Variants in MCM9 observed in about 807,000 individuals in gnomAD.
MCM9 encodes the protein minichromosome maintenance 9 homologous recombination repair factor, also known as DNA helicase MCM9.
A neutral mutation model predicts 72.8 loss-of-function variants in MCM9; 55 were observed. The ratio of observed to expected loss-of-function variants is 0.76; its 90% CI spans 0.61 to 0.95. MCM9 has a LOEUF of 0.95. Ranked by LOEUF, MCM9 falls within the 40% of genes least tolerant of loss-of-function variation. The pLI is 0.00. For missense variants in MCM9, 1,279 were observed against 1,377.0 expected (o/e 0.93, Z 1.13); for synonymous variants, 480 against 503.4 (o/e 0.95, Z 0.62).
chr6:118,814,849 T>A lies in MCM9; in HGVS notation c.3407A>T (p.Asp1136Val). ...LGDEAFDCDWDEEMRKKS is the reference protein window; with the variant it reads ...LGDEAFDCDWVEEMRKKS ...CTATGACTTTTTTCTCATCTCTTCA[T>A]CCCAGTCACAATCAAATGCTTCATC... The change falls in exon 14 of 14, where the codon GAT becomes GTT. Residue 1136 changes from aspartate to valine, a missense_variant. By Grantham distance (152) the Asp-to-Val change is radical (BLOSUM62 -3). Coordinates refer to ENST00000619706, the MANE Select transcript of MCM9 (RefSeq NM_017696.3). 1 of 1,520,716 alleles carries A rather than the reference T, an allele frequency of 6.6e-7. No homozygotes were observed. Among genetic ancestry groups the A allele is most frequent in the East Asian group, 2.5e-5 (1 of 40,602 alleles). The allele number at this position is 1,520,716 out of a possible 1,614,324, so 94.2% of individuals were successfully genotyped here.
intron 8 of MCM9, among the ~76,000 whole-genome samples, chr6:118,890,639 TATGTA>T (rs1325994748): frequency 5.1e-4 from 77 of 152,324 alleles, no homozygotes; most frequent in African/African-American, 1.8e-3. Flanking sequence ...TCTCTGTATG[TATGTA>T]ATGAATTATT....
At chr6:118,911,566 T>C in intron 8 of MCM9, 84 bp downstream of exon 8, 1 of 1,515,452 alleles carries the variant, frequency 6.6e-7, no homozygotes, top group South Asian at 1.3e-5. Context: ...ATTTATCCTA[T>C]TATAGGTAGT....
intron 8 of MCM9, chr6:118,893,979 C>CGCCGCCGGCG: frequency 1.0e-6 from 1 of 982,848 alleles, no homozygotes; most frequent in Non-Finnish European, 1.2e-6. Flanking sequence ...CTCTCCGCGC[C>CGCCGCCGGCG]GCCGCCGGCG....
At position 118,916,201 on chromosome 6, in the gene MCM9, A is replaced by C. The variant is rs576040258; in HGVS notation, c.904+1360T>G. ...AGTGAGAACCCTGTCTACTTTAAAA[A>C]AAAAAAAAGAAACCATTTTAATTTT... is the stretch of plus-strand genomic sequence containing the variant. On this transcript the variant is annotated intron_variant, in intron 6 of 13. Transcript: ENST00000619706. Among the ~76,000 whole-genome samples, 346 of 151,800 alleles carry C rather than the reference A, an allele frequency of 2.3e-3. 2 individuals are homozygous for C. Among genetic ancestry groups the C allele is most frequent in the African/African-American group, 7.7e-3 (318 of 41,464 alleles).
chr6:118,927,934 T>C (rs565874974), intron 3 of MCM9, among the ~76,000 whole-genome samples: 1 of 152,346 alleles, frequency 6.6e-6, no homozygotes, highest in South Asian at 2.1e-4. Context: ...TTCCATGGCT[T>C]GCCACAGATC....
chr6:118,844,388 A>G (rs1306467218), intron 9 of MCM9, among the ~76,000 whole-genome samples: 1 of 151,746 alleles, frequency 6.6e-6, no homozygotes, highest in Non-Finnish European at 1.5e-5. Context: ...GTTAACGTGG[A>G]ACTTTTAGAG....
In MCM9 at chr6:118,910,306, CT is replaced by C. The variant is rs893484144; in HGVS notation, c.1150+1343del. On this transcript the variant is annotated intron_variant, in intron 8 of 13. Transcript: ENST00000619706. ...ACTCTAATGGGTTGCAGTACACAAT[CT>C]GAAGAAAGGCTAGCGTGGCCCTTTG... Among the ~76,000 whole-genome samples the C allele has an allele frequency of 7.9e-5, 12 of 152,090 alleles. 1 individual carries two copies. Among genetic ancestry groups the C allele is most frequent in the African/African-American group, 2.9e-4 (12 of 41,474 alleles).
chr6:118,921,239 C>G (rs1323401926), intron 5 of MCM9: 1 of 152,108 alleles, frequency 6.6e-6, no homozygotes, highest in Non-Finnish European at 1.5e-5. Flanking sequence ...CATCTAAGGC[C>G]CATGTTAGAC....
At chr6:118,817,398 C>T (rs2114495628) in intron 13 of MCM9, among the ~76,000 whole-genome samples, 1 of 151,782 alleles carries the variant, frequency 6.6e-6, no homozygotes, top group Non-Finnish European at 1.5e-5. Flanking sequence ...GTTTGGTTTT[C>T]TGTTCCTGTG....
rs1774356673 is a variant in MCM9, at chr6:118,829,028, C to T, written c.1528+20G>A. ...GCTAATCTCTCTGTTATTTTGAATGCTTTGTTTGTCTTCACGTACCTTTAT... is the reference window on the plus strand; with the variant it reads ...GCTAATCTCTCTGTTATTTTGAATGTTTTGTTTGTCTTCACGTACCTTTAT... On this transcript the variant is annotated intron_variant, in intron 10 of 13. Coordinates refer to ENST00000619706, the MANE Select transcript of MCM9 (RefSeq NM_017696.3). 1 of 1,547,246 alleles carries T rather than the reference C, an allele frequency of 6.5e-7. No individual in the cohort carries two copies. Among genetic ancestry groups the T allele is most frequent in the Non-Finnish European group, 8.7e-7 (1 of 1,144,288 alleles).
intron 8 of MCM9, among the ~76,000 whole-genome samples, chr6:118,880,051 CA>C (rs372563271): frequency 0.012 from 1,608 of 135,066 alleles, 32 homozygotes; most frequent in African/African-American, 0.04. Context: ...CAAACAACAA[CA>C]AAAAAAAAAC....
intron 2 of MCM9, 96 bp from the exon 3 acceptor site, chr6:118,931,834 G>C (rs1201643785): frequency 4.5e-6 from 4 of 886,394 alleles, no homozygotes; most frequent in Middle Eastern, 3.5e-4. Flanking sequence ...ACTGGCTTTG[G>C]GTCATACTAT....
At chr6:118,885,323 T>C (rs544807663) in intron 8 of MCM9, among the ~76,000 whole-genome samples, 26 of 152,172 alleles carry the variant, frequency 1.7e-4, no homozygotes, top group Non-Finnish European at 3.4e-4. Flanking sequence ...ACTAAACTAT[T>C]GGCAAGCACA....
intron 13 of MCM9, among the ~76,000 whole-genome samples, chr6:118,821,795 T>C (rs1224187848): frequency 6.6e-6 from 1 of 152,220 alleles, no homozygotes; most frequent in African/African-American, 2.4e-5. Flanking sequence ...CAGTCCCATA[T>C]TTCTTGGAGG....
chr6:118,844,023 CTATTGTAGG>C (rs1775692334), intron 9 of MCM9, among the ~76,000 whole-genome samples: 3 of 151,398 alleles, frequency 2.0e-5, no homozygotes, highest in Admixed American at 2.0e-4. Context: ...TGAAGGATTC[CTATTGTAGG>C]TGGAGAAGTA....
At chr6:118,847,564 A>T (rs1775957102) in intron 9 of MCM9, among the ~76,000 whole-genome samples, 1 of 151,786 alleles carries the variant, frequency 6.6e-6, no homozygotes, top group African/African-American at 2.4e-5. Context: ...ATGAGCTAAG[A>T]AGTTTAAGAA....
intron 9 of MCM9, among the ~76,000 whole-genome samples, chr6:118,834,650 T>C (rs1228543268): frequency 6.6e-6 from 1 of 152,196 alleles, no homozygotes; most frequent in Non-Finnish European, 1.5e-5. Flanking sequence ...CATATAAATG[T>C]CTTCATTCCA....
At chr6:118,869,599 CAAA>C in intron 8 of MCM9, among the ~76,000 whole-genome samples, 1,948 of 58,296 alleles carry the variant, frequency 0.033, 54 homozygotes, top group African/African-American at 0.11. Context: ...AAAGGATTTA[CAAA>C]AAAAAAAAAA....
At chr6:118,826,048 G>C in intron 13 of MCM9, 99 bp downstream of exon 13, 2 of 1,325,240 alleles carry the variant, frequency 1.5e-6, no homozygotes, top group African/African-American at 2.9e-5. Context: ...CCCAACACCT[G>C]ATAGATAGAT....
Sources: allele counts gnomAD v4.1 joint callset (sites outside exome capture counted in the v4.1 genomes callset), GRCh38; gene constraint gnomAD v4.1.1; transcripts MANE v1.5; gene names NCBI Gene and HGNC (gene_info 2026-07-23, HGNC 2026-07-21).